The following S100A2 variants were observed in gnomAD, a reference collection of about 807,000 sequenced individuals.
S100A2 encodes the protein S100 calcium binding protein A2, also known as protein S100-A2.
S100A2 carries 5 observed loss-of-function variants against 4.3 expected under a neutral mutation model. That is an observed-to-expected ratio of 1.16 (90% CI 0.61 to 2.44). S100A2 has a LOEUF of 2.44. Among genes scored for constraint, S100A2 ranks in the 30% most tolerant of loss-of-function variants. The pLI is 0.01. For missense variants in S100A2, 103 were observed against 114.7 expected (o/e 0.90, Z 0.47); for synonymous variants, 44 against 46.0 (o/e 0.96, Z 0.17).
At position 153,563,410 on chromosome 1, in the gene S100A2, C is replaced by A. The variant is rs772481872; in HGVS notation, c.144+324G>T. On this transcript the variant is annotated intron_variant, in intron 2 of 2. Transcript: ENST00000368708. ...AAGAAAAGAAAAGAGAGAGAGAGAACGTGCCAGTGCTGTGTGATCTTGGGA... is the reference window on the plus strand; with the variant it reads ...AAGAAAAGAAAAGAGAGAGAGAGAAAGTGCCAGTGCTGTGTGATCTTGGGA... 2.6e-6 allele frequency: 4 copies of A among 1,545,986 alleles called. No homozygotes were observed. In the East Asian group the frequency reaches 7.3e-5, roughly 28 times the overall value.
Position 153,561,299 on chromosome 1 carries a change from C to A in S100A2, c.*140G>T. On this transcript the variant is annotated 3_prime_UTR_variant, in exon 3 of 3. Coordinates refer to ENST00000368708, the MANE Select transcript of S100A2 (RefSeq NM_005978.4). ...AGGCCCTCATCTCCCAGCACTCCAG[C>A]TGAGCCAGCCGGGTTATGGAACATC... The A allele has an allele frequency of 9.2e-7, 1 of 1,082,008 alleles. No homozygotes were observed. Among genetic ancestry groups the A allele is most frequent in the Non-Finnish European group, 1.3e-6 (1 of 749,514 alleles). 67.0% of individuals were successfully genotyped at this position (1,082,008 alleles called of 1,614,324 possible). A position where few individuals can be genotyped will look rare whatever the true frequency, so the allele number is the denominator to read the frequency against.
chr1:153,561,327 T>C lies in S100A2; in HGVS notation c.*112A>G. 1.5e-6 allele frequency: 2 copies of C among 1,337,448 alleles called. No individual in the cohort carries two copies. The highest frequency in any genetic ancestry group is 3.0e-5 in the African/African-American group (2 of 67,436). 82.8% of individuals were successfully genotyped at this position (1,337,448 alleles called of 1,614,324 possible). Reference sequence around the variant, plus strand: ...AGCCAGCCGGGTTATGGAACATCACTGAGCAATTAAAATATTATCAACAGA... The same window carrying C: ...AGCCAGCCGGGTTATGGAACATCACCGAGCAATTAAAATATTATCAACAGA... On this transcript the variant is annotated 3_prime_UTR_variant, in exon 3 of 3. Transcript: ENST00000368708.
chr1:153,561,395 T>G lies in S100A2; in HGVS notation c.*44A>C. On this transcript the variant is annotated 3_prime_UTR_variant, in exon 3 of 3. Transcript: ENST00000368708. ...ATACAAAACTCAAAGGCATCAACAG[T>G]CCTGGGCCCAAGAGATCCATGGCAG... 6.3e-7 allele frequency: 1 copy of G among 1,599,234 alleles called. No individual in the cohort carries two copies. The highest frequency in any genetic ancestry group is 1.1e-5 in the South Asian group (1 of 90,356).
intron 2 of S100A2, among the ~76,000 whole-genome samples, chr1:153,562,410 G>A (rs748518984): frequency 6.6e-6 from 1 of 152,158 alleles, no homozygotes; most frequent in Non-Finnish European, 1.5e-5. Context: ...CCACACTGTG[G>A]GGATTACAGG....
At chr1:153,563,455 G>T in intron 2 of S100A2, 1 of 1,550,566 alleles carries the variant, frequency 6.4e-7, no homozygotes, top group Non-Finnish European at 8.7e-7. Flanking sequence ...TTCCCTTCTG[G>T]GCTCTGGTTT....
chr1:153,562,104 G>A (rs1355062866), intron 2 of S100A2, among the ~76,000 whole-genome samples: 1 of 152,096 alleles, frequency 6.6e-6, no homozygotes, highest in African/African-American at 2.4e-5. Context: ...TGGGACCACA[G>A]GCTCATGCCA....
intron 2 of S100A2, 152 bp from the exon 3 acceptor site, chr1:153,561,743 C>A: frequency 1.0e-6 from 1 of 987,904 alleles, no homozygotes; most frequent in Non-Finnish European, 1.5e-6. Context: ...TGGGAGCTAC[C>A]AAGAGGGCCC....
intron 2 of S100A2, 21 bp from the exon 3 acceptor site, chr1:153,561,612 ACT>A (rs1665897357): frequency 6.2e-7 from 1 of 1,613,542 alleles, no homozygotes; most frequent in Admixed American, 1.7e-5. Flanking sequence ...CAGGAAATAC[ACT>A]CATCACCAAG....
In S100A2 at chr1:153,563,724, T is replaced by C; in HGVS notation, c.144+10A>G. ...CACCAGGACCTCCCCCACAGGCCTG[T>C]GCCACTCACCCCCACAAAGCTGGGC... On this transcript the variant is annotated intron_variant, in intron 2 of 2. Coordinates refer to ENST00000368708, the MANE Select transcript of S100A2 (RefSeq NM_005978.4). 1.2e-6 allele frequency: 2 copies of C among 1,611,106 alleles called. No individual in the cohort carries two copies. The highest frequency in any genetic ancestry group is 1.7e-6 in the Non-Finnish European group (2 of 1,178,338).
At chr1:153,562,646 T>G (rs1438773286) in intron 2 of S100A2, among the ~76,000 whole-genome samples, 1 of 152,182 alleles carries the variant, frequency 6.6e-6, no homozygotes, top group Non-Finnish European at 1.5e-5. Context: ...CCAGACTATA[T>G]ATCTTAGCTG....
At position 153,561,292 on chromosome 1, in the gene S100A2, A is replaced by C. The variant is rs1156585791; in HGVS notation, c.*147T>G. ...ATCCAGGAGGCCCTCATCTCCCAGC[A>C]CTCCAGCTGAGCCAGCCGGGTTATG... On this transcript the variant is annotated 3_prime_UTR_variant, in exon 3 of 3. Coordinates refer to ENST00000368708, the MANE Select transcript of S100A2 (RefSeq NM_005978.4). 1 of 955,694 alleles carries C rather than the reference A, an allele frequency of 1.0e-6. No individual in the cohort carries two copies. The highest frequency in any genetic ancestry group is 1.6e-6 in the Non-Finnish European group (1 of 637,816). 59.2% of individuals were successfully genotyped at this position (955,694 alleles called of 1,614,324 possible). A position where few individuals can be genotyped will look rare whatever the true frequency, so the allele number is the denominator to read the frequency against.
At chr1:153,561,677 G>A in intron 2 of S100A2, 86 bp from the exon 3 acceptor site, 1 of 1,597,442 alleles carries the variant, frequency 6.3e-7, no homozygotes, top group Non-Finnish European at 8.6e-7. Context: ...CATTCAGGTT[G>A]GTTCCCAGCT....
intron 1 of S100A2, among the ~76,000 whole-genome samples, chr1:153,565,082 T>C (rs1665979277): frequency 6.6e-6 from 1 of 151,314 alleles, no homozygotes; most frequent in Non-Finnish European, 1.5e-5. Context: ...GAGGCCGAGA[T>C]GGGTGGATCA....
Position 153,561,287 on chromosome 1 carries a change from C to T in S100A2, c.*152G>A. 1.1e-6 allele frequency: 1 copy of T among 907,042 alleles called. No individual in the cohort carries two copies. Among genetic ancestry groups the T allele is most frequent in the Non-Finnish European group, 1.7e-6 (1 of 597,608 alleles). The allele number at this position is 907,042 out of a possible 1,614,324, so 56.2% of individuals were successfully genotyped here. A position where few individuals can be genotyped will look rare whatever the true frequency, so the allele number is the denominator to read the frequency against. On this transcript the variant is annotated 3_prime_UTR_variant, in exon 3 of 3. Coordinates refer to ENST00000368708, the MANE Select transcript of S100A2 (RefSeq NM_005978.4). ...GCAGGATCCAGGAGGCCCTCATCTC[C>T]CAGCACTCCAGCTGAGCCAGCCGGG...
rs1186426736 is a variant in S100A2, at chr1:153,561,588, T to G, written c.148A>C (p.Lys50Gln). ...HKELPSFVGE[K>Q]VDEEGLKKLM... ...TTCTTCAGCCCCTCCTCATCCACTT[T>G]CTCCTGAAAGTGACAGGAAATACAC... Residue 50 changes from lysine (K) to glutamine (Q), a missense_variant, in exon 3 of 3, where the codon AAA (lysine) becomes CAA (glutamine). Transcript: ENST00000368708. The G allele has an allele frequency of 6.2e-7, 1 of 1,613,906 alleles. No homozygotes were observed. The highest frequency in any genetic ancestry group is 8.5e-7 in the Non-Finnish European group (1 of 1,180,010).
At chr1:153,564,357 A>G (rs1665960763) in intron 1 of S100A2, 1 of 152,756 alleles carries the variant, frequency 6.5e-6, no homozygotes, top group African/African-American at 2.4e-5. Context: ...CCCTCCTTAG[A>G]CTCGGGACTC....
intron 2 of S100A2, among the ~76,000 whole-genome samples, chr1:153,562,760 G>A (rs1016921524): frequency 3.3e-5 from 5 of 152,084 alleles, no homozygotes; most frequent in Non-Finnish European, 5.9e-5. Context: ...GGAGGCCGAG[G>A]TGGGAGGATT....
At chr1:153,565,311 C>CAAAAAAAA (rs57778287) in intron 1 of S100A2, among the ~76,000 whole-genome samples, 195 bp downstream of exon 1, 1 of 46,760 alleles carries the variant, frequency 2.1e-5, no homozygotes. Flanking sequence ...GACTCCATCT[C>CAAAAAAAA]AAAAAAAAAA....
Position 153,563,823 on chromosome 1 carries a change from T to C in S100A2, c.55A>G (p.Lys19Glu), listed in dbSNP as rs781693025. ...ALAVLVTTFH[K>E]YSCQEGDKFK... Reference sequence around the variant, plus strand: ...TTGTCGCCCTCTTGGCAGGAGTACTTGTGGAAGGTAGTGACCAGCACAGCC... The same window carrying C: ...TTGTCGCCCTCTTGGCAGGAGTACTCGTGGAAGGTAGTGACCAGCACAGCC... The change falls in exon 2 of 3, where the codon AAG becomes GAG. Residue 19 changes from lysine (K) to glutamate (E), a missense_variant. Coordinates refer to ENST00000368708, the MANE Select transcript of S100A2 (RefSeq NM_005978.4). The C allele has an allele frequency of 1.2e-6, 2 of 1,614,200 alleles. No individual in the cohort carries two copies. Among genetic ancestry groups the C allele is most frequent in the Non-Finnish European group, 1.7e-6 (2 of 1,180,032 alleles).
Sources: gnomAD v4.1 joint callset for allele counts (sites outside exome capture counted in the v4.1 genomes callset) on GRCh38, gnomAD v4.1.1 for gene constraint, MANE v1.5 for transcripts, NCBI Gene and HGNC (gene_info 2026-07-23, HGNC 2026-07-21) for gene names.